Variants in CACNB4 observed in about 807,000 individuals in gnomAD.
CACNB4 encodes calcium voltage-gated channel auxiliary subunit beta 4.
CACNB4 carries 32 observed loss-of-function variants against 71.2 expected under a neutral mutation model. The ratio of observed to expected loss-of-function variants is 0.45; its 90% CI spans 0.34 to 0.60. The LOEUF is 0.60. Among genes scored for constraint, CACNB4 ranks in the 20% least tolerant of loss-of-function variants. The pLI is 0.01. For missense variants in CACNB4, 464 were observed against 647.9 expected (o/e 0.72, Z 3.08); for synonymous variants, 231 against 236.9 (o/e 0.97, Z 0.23).
intron 2 of CACNB4, among the ~76,000 whole-genome samples, chr2:151,944,573 C>T (rs1453945476): frequency 2.6e-5 from 4 of 152,164 alleles, no homozygotes; most frequent in South Asian, 2.1e-4. Flanking sequence ...AGGCAGATCA[C>T]CTGAGGTCAG....
At chr2:152,082,849 G>A (rs1037140913) in intron 2 of CACNB4, among the ~76,000 whole-genome samples, 1 of 152,216 alleles carries the variant, frequency 6.6e-6, no homozygotes, top group East Asian at 1.9e-4. Context: ...ATAGATGGTG[G>A]TGATGTTGGT....
intron 2 of CACNB4, among the ~76,000 whole-genome samples, chr2:152,081,512 T>A (rs1687353696): frequency 6.6e-6 from 1 of 151,782 alleles, no homozygotes; most frequent in Non-Finnish European, 1.5e-5. Context: ...AAAAAAAAGA[T>A]CCTGACAGAT....
chr2:151,941,763 T>C (rs2099864320), intron 2 of CACNB4, among the ~76,000 whole-genome samples: 1 of 152,166 alleles, frequency 6.6e-6, no homozygotes, highest in Non-Finnish European at 1.5e-5. Flanking sequence ...GTACAAACAA[T>C]GCAAAGCACC....
intron 12 of CACNB4, among the ~76,000 whole-genome samples, chr2:151,847,186 C>A (rs971521537): frequency 1.3e-5 from 2 of 151,248 alleles, no homozygotes; most frequent in African/African-American, 4.9e-5. Context: ...TCAAGACCAG[C>A]CTAGGCAACA....
Position 152,098,233 on chromosome 2 carries a change from C to G in CACNB4, c.147+97G>C. On this transcript the variant is annotated intron_variant, in intron 2 of 13. Transcript: ENST00000539935. The surrounding 1 kb of genome is among the most constrained non-coding windows in gnomAD (Gnocchi z 5.3). ...GGAAGAGACGCGCGCGGGCTTGACC[C>G]GCAGCTCCCGCACGTGTGGGCCACG... 1.1e-6 allele frequency: 1 copy of G among 943,780 alleles called. No homozygotes were observed. The highest frequency in any genetic ancestry group is 1.9e-5 in the Admixed American group (1 of 53,110). The allele number at this position is 943,780 out of a possible 1,614,324, so 58.5% of individuals were successfully genotyped here.
intron 2 of CACNB4, among the ~76,000 whole-genome samples, chr2:151,990,535 G>A (rs1171655994): frequency 6.6e-6 from 1 of 152,170 alleles, no homozygotes; most frequent in Non-Finnish European, 1.5e-5. Flanking sequence ...GGAGGAACAG[G>A]GACCGGGTCT....
intron 2 of CACNB4, among the ~76,000 whole-genome samples, chr2:152,019,303 C>G (rs1411102574): frequency 6.6e-6 from 1 of 152,130 alleles, no homozygotes; most frequent in Non-Finnish European, 1.5e-5. Flanking sequence ...GGAATATGAT[C>G]TTATATATAA....
chr2:151,901,032 C>T (rs531270433), intron 2 of CACNB4, among the ~76,000 whole-genome samples: 4 of 123,812 alleles, frequency 3.2e-5, no homozygotes, highest in African/African-American at 1.3e-4. Context: ...CTCATTCTGT[C>T]GTCTAGGCTG....
intron 12 of CACNB4, 68 bp downstream of exon 12, chr2:151,853,380 G>T (rs1397693072): frequency 2.4e-6 from 2 of 840,804 alleles, no homozygotes; most frequent in East Asian, 2.8e-5. Flanking sequence ...ACAACAATAT[G>T]AAGAAAAAAA....
chr2:152,090,660 A>G (rs1282714368), intron 2 of CACNB4, among the ~76,000 whole-genome samples: 1 of 151,894 alleles, frequency 6.6e-6, no homozygotes, highest in East Asian at 1.9e-4. Flanking sequence ...AAAAAAGAAA[A>G]AAAGAAAGAT....
chr2:151,951,500 CAGT>C (rs2099866903), intron 2 of CACNB4, among the ~76,000 whole-genome samples: 1 of 152,112 alleles, frequency 6.6e-6, no homozygotes, highest in South Asian at 2.1e-4. Flanking sequence ...TCAGAAAGAT[CAGT>C]GAGAATAGGT....
At chr2:152,002,026 A>G (rs970817601) in intron 2 of CACNB4, among the ~76,000 whole-genome samples, 25 of 152,210 alleles carry the variant, frequency 1.6e-4, no homozygotes, top group African/African-American at 6.0e-4. Context: ...AGCACACCAA[A>G]GTCTTCACAT....
chr2:151,857,216 C>T (rs1489264710), intron 10 of CACNB4: 1 of 152,172 alleles, frequency 6.6e-6, no homozygotes, highest in African/African-American at 2.4e-5. Context: ...AATCTATTTT[C>T]TTATGTTTTG....
Position 152,091,776 on chromosome 2 carries a change from G to A in CACNB4, c.147+6554C>T, listed in dbSNP as rs573467219. Among the ~76,000 whole-genome samples the A allele has an allele frequency of 4.6e-5, 7 of 152,324 alleles. No individual in the cohort carries two copies. The South Asian group carries it at 1.5e-3, about 32-fold the overall frequency. On this transcript the variant is annotated intron_variant, in intron 2 of 13. Coordinates refer to ENST00000539935, the MANE Select transcript of CACNB4 (RefSeq NM_000726.5). Reference sequence around the variant, plus strand: ...TTGTTTCCCAGAATCCCAGGTCAGTGGGCTTCCAGAGAGGCTCAGCCAATG... The same window carrying A: ...TTGTTTCCCAGAATCCCAGGTCAGTAGGCTTCCAGAGAGGCTCAGCCAATG...
intron 2 of CACNB4, among the ~76,000 whole-genome samples, chr2:151,983,851 A>G (rs1290343904): frequency 6.6e-6 from 1 of 152,186 alleles, no homozygotes; most frequent in Non-Finnish European, 1.5e-5. Flanking sequence ...CGGCACCCCT[A>G]TAGTCACTGG....
intron 2 of CACNB4, among the ~76,000 whole-genome samples, chr2:152,019,514 G>T (rs1335326785): frequency 2.0e-5 from 3 of 152,124 alleles, no homozygotes; most frequent in Non-Finnish European, 4.4e-5. Flanking sequence ...TGGATGGGTG[G>T]GTGGGCAGAT....
At chr2:151,973,876 G>A (rs1007901403) in intron 2 of CACNB4, 1 of 1,455,282 alleles carries the variant, frequency 6.9e-7, no homozygotes, top group African/African-American at 1.4e-5. Context: ...ACATCCCACA[G>A]GGTGAGGTTA....
At chr2:152,020,503 T>G (rs1519715) in intron 2 of CACNB4, among the ~76,000 whole-genome samples, 150,324 of 152,344 alleles carry the variant, frequency 0.99, 74,211 homozygotes, top group Middle Eastern at 1. Flanking sequence ...GTAGAAGATT[T>G]CTCTTTTGTG....
At chr2:151,943,521 GA>G (rs200693865) in intron 2 of CACNB4, among the ~76,000 whole-genome samples, 8 of 147,632 alleles carry the variant, frequency 5.4e-5, no homozygotes, top group East Asian at 2.0e-4. Flanking sequence ...ATTTCTGGAA[GA>G]AAAAAAAAAC....
Sources: allele counts gnomAD v4.1 joint callset (sites outside exome capture counted in the v4.1 genomes callset), GRCh38; gene constraint gnomAD v4.1.1; non-coding constraint Gnocchi (gnomAD v3.1); transcripts MANE v1.5; gene names NCBI Gene and HGNC (gene_info 2026-07-23, HGNC 2026-07-21).